Variants in ALK observed in about 807,000 individuals in gnomAD.
The protein encoded by ALK is ALK receptor tyrosine kinase.
A neutral mutation model predicts 163.1 loss-of-function variants in ALK; 74 were observed. That is an observed-to-expected ratio of 0.45 (90% CI 0.38 to 0.55). The LOEUF (loss-of-function observed/expected upper bound fraction) is 0.55, where lower values mean the gene tolerates loss of function less well. Ranked by LOEUF, ALK falls within the 20% of genes least tolerant of loss-of-function variation. The pLI is 0.00. For missense variants in ALK, 2,063 were observed against 2,105.3 expected (o/e 0.98, Z 0.39); for synonymous variants, 960 against 843.2 (o/e 1.14, Z -2.40).
intron 8 of ALK, among the ~76,000 whole-genome samples, chr2:29,305,783 TG>T (rs1011579982): frequency 4.7e-4 from 72 of 152,188 alleles, no homozygotes; most frequent in African/African-American, 1.7e-3. Context: ...GGCTGGGGGT[TG>T]GGGGGTAGTT....
chr2:29,563,602 T>C (rs1172310100), intron 3 of ALK, among the ~76,000 whole-genome samples: 1 of 152,142 alleles, frequency 6.6e-6, no homozygotes, highest in East Asian at 1.9e-4. Flanking sequence ...AAGAGGCTCT[T>C]TCTGATGTGG....
chr2:29,350,359 T>C (rs573453635), intron 5 of ALK, among the ~76,000 whole-genome samples: 7 of 152,362 alleles, frequency 4.6e-5, no homozygotes, highest in South Asian at 2.1e-4. Flanking sequence ...CAGACATTTG[T>C]TGTGGCCAGT....
chr2:29,622,547 A>C (rs1004048202), intron 3 of ALK, among the ~76,000 whole-genome samples: 2 of 152,194 alleles, frequency 1.3e-5, no homozygotes, highest in Admixed American at 6.5e-5. Flanking sequence ...TGGGAGATAC[A>C]ATTTAAGTTG....
At chr2:29,399,169 T>C (rs552266316) in intron 4 of ALK, among the ~76,000 whole-genome samples, 2 of 152,224 alleles carry the variant, frequency 1.3e-5, no homozygotes, top group South Asian at 2.1e-4. Flanking sequence ...AGTTATCTCA[T>C]TTAATCTCTT....
intron 1 of ALK, among the ~76,000 whole-genome samples, chr2:29,724,178 G>T (rs1279689501): frequency 6.6e-6 from 1 of 152,190 alleles, no homozygotes; most frequent in Non-Finnish European, 1.5e-5. Context: ...TCAATAAAAT[G>T]TAACAAATGC....
At position 29,232,286 on chromosome 2, in the gene ALK, A is replaced by T; in HGVS notation, c.2632+18T>A. 1 of 1,614,056 alleles carries T rather than the reference A, an allele frequency of 6.2e-7. No homozygotes were observed. Among genetic ancestry groups the T allele is most frequent in the Non-Finnish European group, 8.5e-7 (1 of 1,180,034 alleles). On this transcript the variant is annotated intron_variant, in intron 15 of 28. Coordinates refer to ENST00000389048, the MANE Select transcript of ALK (RefSeq NM_004304.5). ...CCTGGGAGAGGTTCTGGGAGAGGGC[A>T]CGCTTGCAGCGCTTTACCTGCGGCT...
intron 3 of ALK, among the ~76,000 whole-genome samples, chr2:29,671,567 C>A (rs895280198): frequency 6.6e-6 from 1 of 152,026 alleles, no homozygotes; most frequent in African/African-American, 2.4e-5. Flanking sequence ...GCTGGTTGAC[C>A]ACCTCAATTT....
At chr2:29,512,709 T>C (rs1021401731) in intron 4 of ALK, among the ~76,000 whole-genome samples, 2 of 149,726 alleles carry the variant, frequency 1.3e-5, no homozygotes, top group African/African-American at 2.5e-5. Flanking sequence ...AGTCAAATTG[T>C]CCCTGTTTGC....
chr2:29,750,697 A>AGGCAGGC (rs1553356472), intron 1 of ALK, among the ~76,000 whole-genome samples: 86 of 84,612 alleles, frequency 1.0e-3, no homozygotes, highest in Middle Eastern at 5.9e-3. Context: ...GGAAGGAAGG[A>AGGCAGGC]AGGCAGGCAG....
chr2:29,865,952 T>C (rs189224392), intron 1 of ALK, among the ~76,000 whole-genome samples: 1 of 152,058 alleles, frequency 6.6e-6, no homozygotes, highest in African/African-American at 2.4e-5. Context: ...GGAGCAAGGG[T>C]CTCTGGGGAT....
chr2:29,820,224 C>T (rs1309294235), intron 1 of ALK, among the ~76,000 whole-genome samples: 1 of 152,178 alleles, frequency 6.6e-6, no homozygotes, highest in African/African-American at 2.4e-5. Flanking sequence ...CAGGGAGAAA[C>T]CAGCTGCCAC....
chr2:29,579,692 A>G (rs567041450), intron 3 of ALK, among the ~76,000 whole-genome samples: 15 of 152,206 alleles, frequency 9.9e-5, no homozygotes, highest in African/African-American at 1.9e-4. Context: ...AAAACTGTCA[A>G]CTCATCAGAT....
intron 11 of ALK, among the ~76,000 whole-genome samples, chr2:29,256,884 G>T: frequency 6.6e-6 from 1 of 152,206 alleles, no homozygotes; most frequent in East Asian, 1.9e-4. Flanking sequence ...CCCCAGAGAG[G>T]ACATGGGAGC....
At chr2:29,537,936 G>C (rs542733886) in intron 3 of ALK, among the ~76,000 whole-genome samples, 1 of 152,312 alleles carries the variant, frequency 6.6e-6, no homozygotes, top group East Asian at 1.9e-4. Flanking sequence ...TTCCACACTT[G>C]TGTGATGCCT....
At chr2:29,717,097 A>AG (rs1679281610) in intron 2 of ALK, among the ~76,000 whole-genome samples, 2 of 147,316 alleles carry the variant, frequency 1.4e-5, no homozygotes, top group Non-Finnish European at 3.0e-5. Flanking sequence ...GTGTGAACCC[A>AG]GGAGGCGGAG....
chr2:29,730,381 G>A (rs1289597752), intron 1 of ALK, among the ~76,000 whole-genome samples: 3 of 152,154 alleles, frequency 2.0e-5, no homozygotes, highest in Non-Finnish European at 4.4e-5. Context: ...ACCTAAATAG[G>A]AGGTACAGTA....
chr2:29,418,903 T>C (rs113992277), intron 4 of ALK, among the ~76,000 whole-genome samples: 2 of 151,800 alleles, frequency 1.3e-5, no homozygotes, highest in African/African-American at 4.9e-5. Flanking sequence ...TCATTCATCA[T>C]TGAAAAATTA....
intron 2 of ALK, among the ~76,000 whole-genome samples, chr2:29,697,618 G>A (rs80117004): frequency 0.017 from 2,607 of 152,214 alleles, 68 homozygotes; most frequent in African/African-American, 0.058. Flanking sequence ...TCCTCTCCCC[G>A]AAGCCGTGGG....
At position 29,220,744 on chromosome 2, in the gene ALK, C is replaced by T. The variant is rs759845895; in HGVS notation, c.3607G>A (p.Asp1203Asn). The change falls in exon 23 of 29, where the codon GAC (aspartate) becomes AAC (asparagine). Residue 1203 changes from aspartate to asparagine, a missense_variant. By Grantham distance (23) the Asp-to-Asn change is conservative. Transcript: ENST00000389048. ...GTCTCTCGGAGGAAGGACTTGAGGT[C>T]TCCCCCCGCCATGAGCTCCAGCAGG... ...FILLELMAGG[D>N]LKSFLRETRP... The T allele has an allele frequency of 1.9e-6, 3 of 1,613,644 alleles. No individual in the cohort carries two copies. Among genetic ancestry groups the T allele is most frequent in the African/African-American group, 1.3e-5 (1 of 74,874 alleles).
Sources: allele counts gnomAD v4.1 joint callset (sites outside exome capture counted in the v4.1 genomes callset), GRCh38; gene constraint gnomAD v4.1.1; transcripts MANE v1.5; gene names NCBI Gene and HGNC (gene_info 2026-07-23, HGNC 2026-07-21).